Variants in RIPOR2 observed in about 807,000 individuals in gnomAD.
RIPOR2 encodes rho family-interacting cell polarization regulator 2.
In RIPOR2, 39 loss-of-function variants were observed where a neutral mutation model predicts 114.5. The ratio of observed to expected loss-of-function variants is 0.34; its 90% confidence interval spans 0.26 to 0.44. The LOEUF (loss-of-function observed/expected upper bound fraction) is 0.44. Among genes scored for constraint, RIPOR2 ranks in the 20% least tolerant of loss-of-function variants. RIPOR2 has a pLI of 1.00. For synonymous variants in RIPOR2, 445 were observed against 484.4 expected, an observed-to-expected ratio of 0.92 and a Z score of 1.07; for missense variants, 1,007 against 1,255.1, an observed-to-expected ratio of 0.80 and a Z score of 2.99.
rs11963887 is a variant in RIPOR2 at position 24,832,569 on chromosome 6, A to G, written c.2209-178T>C. ...GTTACAACATCTGATGAAATCAGGC[A>G]TGTTTTTGTTGCTTTGCATTTCTTC... On this transcript the variant is annotated intron_variant, in intron 15 of 21. Coordinates refer to ENST00000643898, the MANE Select transcript of RIPOR2 (RefSeq NM_001286445.3). 0.026 allele frequency among the ~76,000 whole-genome samples: 4,006 copies of G among 152,254 alleles called. 162 individuals are homozygous for G. The highest frequency in any genetic ancestry group is 0.084 in the African/African-American group (3,497 of 41,536).
chr6:24,851,320 G>C (rs1762883643), intron 9 of RIPOR2, among the ~76,000 whole-genome samples: 1 of 152,120 alleles, frequency 6.6e-6, no homozygotes, highest in Non-Finnish European at 1.5e-5. Context: ...TCTCTTGTTA[G>C]TTCTACTTCA....
intron 1 of RIPOR2, among the ~76,000 whole-genome samples, chr6:25,034,787 G>A (rs138039042): frequency 8.3e-4 from 127 of 152,208 alleles, no homozygotes; most frequent in African/African-American, 3.0e-3. Flanking sequence ...CTCGGCTGGA[G>A]ACAGCTAAAA....
intron 1 of RIPOR2, among the ~76,000 whole-genome samples, chr6:24,904,725 A>G (rs1768795601): frequency 6.6e-6 from 1 of 152,212 alleles, no homozygotes; most frequent in Non-Finnish European, 1.5e-5. Context: ...TTTCCTGACC[A>G]TGCTAGTGGT....
At chr6:25,032,187 G>GT (rs770986663) in intron 1 of RIPOR2, among the ~76,000 whole-genome samples, 4,656 of 138,688 alleles carry the variant, frequency 0.034, 90 homozygotes, top group Middle Eastern at 0.067. Flanking sequence ...CCTTTATGGT[G>GT]TTTTTTTTTT....
At chr6:24,968,906 T>C (rs898069205) in intron 1 of RIPOR2, among the ~76,000 whole-genome samples, 6 of 152,198 alleles carry the variant, frequency 3.9e-5, no homozygotes, top group Non-Finnish European at 8.8e-5. Flanking sequence ...GCCTGACCTA[T>C]ACTGAACTGG....
rs139704981 is a variant in RIPOR2 at position 25,036,159 on chromosome 6, G to A, written c.76+5692C>T. Among the ~76,000 whole-genome samples the A allele has an allele frequency of 3.1e-3, 465 of 152,284 alleles. 3 individuals carry two copies. Among genetic ancestry groups the A allele is most frequent in the Middle Eastern group, 0.024 (7 of 294 alleles). On this transcript the variant is annotated intron_variant, in intron 1 of 13. Transcript: ENST00000510784. Reference sequence around the variant, plus strand: ...ATCACACTGAGTCAGGAGAATGGCCGGCGAAGCAGAACAAGACAATTAAGT... The same window carrying A: ...ATCACACTGAGTCAGGAGAATGGCCAGCGAAGCAGAACAAGACAATTAAGT...
rs1762694016 is a variant in RIPOR2 at position 24,849,920 on chromosome 6, T to C, written c.916A>G (p.Ile306Val). The change falls in exon 11 of 22, where the codon ATC becomes GTC. Residue 306 changes from isoleucine (I) to valine (V), a missense_variant. Ile to Val is a conservative substitution (Grantham distance 29, BLOSUM62 3). Coordinates refer to ENST00000643898, the MANE Select transcript of RIPOR2 (RefSeq NM_001286445.3). Reference protein sequence around the residue: ...VTELKGLATHILVGSVTCETK... With the variant: ...VTELKGLATHVLVGSVTCETK... ...TCACAGGTCACGCTACCTACCAGGA[T>C]GTGAGTTGCTAGCCCTTTGAGCTCC... 1 of 1,613,762 alleles carries C rather than the reference T, an allele frequency of 6.2e-7. No individual in the cohort carries two copies.
chr6:24,952,614 G>A (rs1266583410), intron 1 of RIPOR2, among the ~76,000 whole-genome samples: 1 of 152,076 alleles, frequency 6.6e-6, no homozygotes, highest in Non-Finnish European at 1.5e-5. Context: ...TAGTAATGAG[G>A]AGCTGATGAG....
rs1167049051 is a variant in RIPOR2 at position 24,839,202 on chromosome 6, A to G, written c.1928T>C (p.Phe643Ser). ...AAAATCAGAGGTGTTCAGGAAATCAAAGCTTTCTAAAGCACTTTCAACTGT... is the reference window on the plus strand; with the variant it reads ...AAAATCAGAGGTGTTCAGGAAATCAGAGCTTTCTAAAGCACTTTCAACTGT... ...SLTVESALES[F>S]DFLNTSDFDE... Residue 643 changes from phenylalanine to serine, a missense_variant, in exon 14 of 22, where the codon TTT becomes TCT. Physicochemically the swap from Phe to Ser is radical, Grantham distance 155. Transcript: ENST00000643898. The G allele has an allele frequency of 6.4e-7, 1 of 1,551,838 alleles. No individual in the cohort carries two copies. The highest frequency in any genetic ancestry group is 1.2e-5 in the South Asian group (1 of 84,058).
intron 1 of RIPOR2, among the ~76,000 whole-genome samples, chr6:24,996,311 A>T (rs1571425): frequency 0.99 from 150,997 of 152,338 alleles, 74,840 homozygotes; most frequent in East Asian, 1. Context: ...AAAAATTAGA[A>T]AAAGACAGCC....
intron 1 of RIPOR2, among the ~76,000 whole-genome samples, chr6:25,034,759 C>T (rs1448535941): frequency 1.3e-5 from 2 of 152,198 alleles, no homozygotes; most frequent in African/African-American, 2.4e-5. Context: ...TCCCTCCACA[C>T]CCTCTCTTTT....
intron 1 of RIPOR2, among the ~76,000 whole-genome samples, chr6:24,895,489 T>C (rs1044186809): frequency 1.3e-5 from 2 of 151,944 alleles, no homozygotes; most frequent in Admixed American, 1.3e-4. Context: ...ACACACAGCA[T>C]GCAGTGATCA....
At chr6:24,970,509 C>T (rs1466775421) in intron 1 of RIPOR2, among the ~76,000 whole-genome samples, 1 of 152,190 alleles carries the variant, frequency 6.6e-6, no homozygotes, top group African/African-American at 2.4e-5. Flanking sequence ...GACTCCAGGC[C>T]TACTGAACTG....
intron 17 of RIPOR2, among the ~76,000 whole-genome samples, chr6:24,829,182 A>G (rs9358805): frequency 0.24 from 36,539 of 151,916 alleles, 4,808 homozygotes; most frequent in African/African-American, 0.35. Context: ...TCATGGTGGC[A>G]TGTGCCTGTA....
chr6:24,907,218 C>T (rs1769087164), intron 1 of RIPOR2, among the ~76,000 whole-genome samples: 1 of 152,148 alleles, frequency 6.6e-6, no homozygotes, highest in Non-Finnish European at 1.5e-5. Flanking sequence ...AGAAATATTG[C>T]ACCTCATTTG....
Position 24,958,461 on chromosome 6 carries a change from C to A in RIPOR2, c.77-82644G>T, listed in dbSNP as rs143587824. Among the ~76,000 whole-genome samples the A allele has an allele frequency of 1.7e-3, 259 of 152,312 alleles. 2 individuals are homozygous for A. The highest frequency in any genetic ancestry group is 5.7e-3 in the African/African-American group (235 of 41,562). The stretch of plus-strand genomic sequence containing the variant: ...TAAACACATTTCTATTTCTTCAACA[C>A]ATTTTTTACTTAGTTACTTCCCAGC... On this transcript the variant is annotated intron_variant, in intron 1 of 13. Transcript: ENST00000510784.
chr6:24,840,743 A>G lies in RIPOR2; in HGVS notation c.1858-1471T>C, dbSNP rs757345757. The G allele has an allele frequency of 2.6e-6, 4 of 1,535,562 alleles. No individual in the cohort carries two copies. The South Asian group carries it at 3.6e-5, about 14-fold the overall frequency. ...TGATCTCCGTCCAAGAGGCAGCACC[A>G]TTTAGTTTCTGATCGTCAAGGTGTT... On this transcript the variant is annotated intron_variant, in intron 13 of 21. Transcript: ENST00000643898.
chr6:25,029,441 A>T (rs147342040), intron 1 of RIPOR2, among the ~76,000 whole-genome samples: 1,840 of 150,712 alleles, frequency 0.012, 29 homozygotes, highest in East Asian at 0.042. Context: ...AAAGAAGAAG[A>T]AGTAATGAAA....
At chr6:24,945,856 T>A (rs2114188076) in intron 1 of RIPOR2, among the ~76,000 whole-genome samples, 1 of 152,228 alleles carries the variant, frequency 6.6e-6, no homozygotes, top group Non-Finnish European at 1.5e-5. Flanking sequence ...TTTATTCTCG[T>A]TTATTTTCTT....
Sources: gnomAD v4.1 joint callset for allele counts (sites outside exome capture counted in the v4.1 genomes callset) on GRCh38, gnomAD v4.1.1 for gene constraint, MANE v1.5 for transcripts, NCBI Gene and HGNC (gene_info 2026-07-23, HGNC 2026-07-21) for gene names.